Variants in PPP2R1A observed in about 807,000 individuals in gnomAD.
PPP2R1A encodes the protein serine/threonine-protein phosphatase 2A 65 kDa regulatory subunit A alpha isoform.
In PPP2R1A, 15 loss-of-function variants were observed where a neutral mutation model predicts 67.1. The observed-to-expected ratio is 0.22, with a 90% confidence interval of 0.15 to 0.34. PPP2R1A has a LOEUF of 0.34. Ranked by LOEUF, PPP2R1A falls within the 10% of genes least tolerant of loss-of-function variation. PPP2R1A has a pLI of 1.00. For synonymous variants in PPP2R1A, 337 were observed against 325.0 expected (o/e 1.04, Z -0.40); for missense variants, 369 against 775.0 (o/e 0.48, Z 6.22).
At chr19:52,223,755 C>T (rs966758909) in intron 13 of PPP2R1A, among the ~76,000 whole-genome samples, 1 of 152,124 alleles carries the variant, frequency 6.6e-6, no homozygotes, top group Non-Finnish European at 1.5e-5. Flanking sequence ...TCATCCATTG[C>T]ACGTGGGGCT....
At chr19:52,222,703 C>T (rs909220832) in intron 13 of PPP2R1A, among the ~76,000 whole-genome samples, 10 of 152,196 alleles carry the variant, frequency 6.6e-5, no homozygotes. Context: ...TGGCGAAACC[C>T]CGTCTCTAGT....
intron 1 of PPP2R1A, 67 bp downstream of exon 1, chr19:52,190,241 G>C (rs2089439807): frequency 6.6e-7 from 1 of 1,506,786 alleles, no homozygotes; most frequent in African/African-American, 1.4e-5. Context: ...CGGCCCTCGC[G>C]GAGAAGACTC....
Position 52,219,871 on chromosome 19 carries a change from G to C in PPP2R1A, c.1302+7G>C. On this transcript the variant is annotated splice_region_variant and intron_variant, in intron 10 of 14. Transcript: ENST00000322088. The surrounding 1 kb of genome is among the most constrained non-coding windows in gnomAD (Gnocchi z 4.0). ...CCTCCTGGCTGGACAGCTGGTGAGTGAGGAGGCCTGGGGGCCAGGCAGTGC... is the reference window on the plus strand; with the variant it reads ...CCTCCTGGCTGGACAGCTGGTGAGTCAGGAGGCCTGGGGGCCAGGCAGTGC... 6.2e-7 allele frequency: 1 copy of C among 1,607,400 alleles called. No individual in the cohort carries two copies. Among genetic ancestry groups the C allele is most frequent in the Non-Finnish European group, 8.5e-7 (1 of 1,177,714 alleles).
Position 52,213,729 on chromosome 19 carries a change from G to A in PPP2R1A, c.807+619G>A, listed in dbSNP as rs923316366. Among the ~76,000 whole-genome samples, 10 of 151,838 alleles carry A rather than the reference G, an allele frequency of 6.6e-5. No individual in the cohort carries two copies. The highest frequency in any genetic ancestry group is 8.8e-5 in the Non-Finnish European group (6 of 67,966). ...TCGAACTCCTGACCTCAAGCGATCC[G>A]CCTGCCTTCATCTCCCAAAGTGCTG... is the stretch of plus-strand genomic sequence containing the variant. On this transcript the variant is annotated intron_variant, in intron 6 of 14. Transcript: ENST00000322088. This position sits in a 1 kb window ranked among gnomAD's most constrained non-coding sequence, Gnocchi z 4.2.
chr19:52,190,600 G>C (rs1344671237), intron 1 of PPP2R1A, among the ~76,000 whole-genome samples: 1 of 152,124 alleles, frequency 6.6e-6, no homozygotes, highest in African/African-American at 2.4e-5. Flanking sequence ...AGGTTTTTTT[G>C]TTTTCTGGGT....
rs905180758 is a variant in PPP2R1A, at chr19:52,216,439, G to T, written c.994-90G>T. 3.3e-6 allele frequency: 5 copies of T among 1,508,050 alleles called. No individual in the cohort carries two copies. The African/African-American group carries it at 6.9e-5, about 21-fold the overall frequency. The allele number at this position is 1,508,050 out of a possible 1,614,324, so 93.4% of individuals were successfully genotyped here. On this transcript the variant is annotated intron_variant, in intron 8 of 14. Coordinates refer to ENST00000322088, the MANE Select transcript of PPP2R1A (RefSeq NM_014225.6). This position sits in a 1 kb window ranked among gnomAD's most constrained non-coding sequence, Gnocchi z 4.3. ...CTATGAATGAGAGGGGCAGAAGCAG[G>T]TTATTGTCTCTTAGGAGTTGGCATC...
At chr19:52,190,428 G>C (rs1038035790) in intron 1 of PPP2R1A, 17 of 561,872 alleles carry the variant, frequency 3.0e-5, no homozygotes, top group African/African-American at 2.0e-4. Context: ...GGCGGTCCGC[G>C]GTCCTGGGAG....
rs975193383 is a variant in PPP2R1A at position 52,227,626 on chromosome 19, C to T, written c.*1645C>T. On this transcript the variant is annotated 3_prime_UTR_variant, in exon 15 of 15. Coordinates refer to ENST00000322088, the MANE Select transcript of PPP2R1A (RefSeq NM_014225.6). ...GGAAGGGAAATGTGGCTTTGAGTGA[C>T]AAGGTGATTTCACCAGCTCAGCCTT... 3.9e-5 allele frequency: 6 copies of T among 152,148 alleles called. No homozygotes were observed. The highest frequency in any genetic ancestry group is 6.5e-5 in the Admixed American group (1 of 15,270). 9.4% of individuals were successfully genotyped at this position (152,148 alleles called of 1,614,324 possible).
chr19:52,210,767 C>T (rs935473396), intron 3 of PPP2R1A, among the ~76,000 whole-genome samples: 1 of 152,200 alleles, frequency 6.6e-6, no homozygotes, highest in African/African-American at 2.4e-5. Flanking sequence ...GCTGGGATTA[C>T]AGGCGTGAGC....
rs140667985 is a variant in PPP2R1A, at chr19:52,212,749, G to C, written c.567G>C (p.Leu189=). 8 of 1,613,850 alleles carry C rather than the reference G, an allele frequency of 5.0e-6. No homozygotes were observed. Among genetic ancestry groups the C allele is most frequent in the East Asian group, 2.2e-5 (1 of 44,882 alleles). The change falls in exon 5 of 15, where the codon CTG becomes CTC. Residue 189 remains leucine (L), a synonymous_variant. Transcript: ENST00000322088. This position sits in a 1 kb window ranked among gnomAD's most constrained non-coding sequence, Gnocchi z 4.1. ...PMVRRAAASK[L]GEFAKVLELD... ...TGCGGCGGGCCGCAGCCTCCAAGCT[G>C]GGGGAGTTTGCCAAGGTGCTGGAGC...
At chr19:52,190,878 G>C (rs1407072441) in intron 1 of PPP2R1A, among the ~76,000 whole-genome samples, 2 of 152,020 alleles carry the variant, frequency 1.3e-5, no homozygotes, top group Non-Finnish European at 2.9e-5. Flanking sequence ...TTTTTTTTGA[G>C]ACAGTCTCTG....
Position 52,207,020 on chromosome 19 carries a change from A to G in PPP2R1A, c.270+957A>G, listed in dbSNP as rs1445581345. ...ATTGTTGGGATCTTGGGATTTGAGT[A>G]AATATAACAATTTGTTTCTTCCCAA... On this transcript the variant is annotated intron_variant, in intron 3 of 14. Coordinates refer to ENST00000322088, the MANE Select transcript of PPP2R1A (RefSeq NM_014225.6). Among the ~76,000 whole-genome samples the G allele has an allele frequency of 2.0e-5, 3 of 152,220 alleles. No homozygotes were observed. The East Asian group carries it at 5.8e-4, about 29-fold the overall frequency.
intron 2 of PPP2R1A, 41 bp downstream of exon 2, chr19:52,202,075 T>C (rs371059040): frequency 6.5e-7 from 1 of 1,543,616 alleles, no homozygotes; most frequent in Non-Finnish European, 9.0e-7. Context: ...TGGGGACTCT[T>C]GGGAGGTGGT....
chr19:52,225,424 C>T (rs556505263), intron 13 of PPP2R1A, among the ~76,000 whole-genome samples: 6 of 152,270 alleles, frequency 3.9e-5, no homozygotes, highest in Admixed American at 1.3e-4. Flanking sequence ...GGATAATTAG[C>T]ATATCTATCA....
intron 3 of PPP2R1A, among the ~76,000 whole-genome samples, chr19:52,210,600 T>C (rs2089657859): frequency 6.6e-6 from 1 of 151,834 alleles, no homozygotes; most frequent in Non-Finnish European, 1.5e-5. Flanking sequence ...TCAAGGATTC[T>C]TCTGCCTCAG....
At position 52,212,018 on chromosome 19, in the gene PPP2R1A, C is replaced by A. The variant is rs2089674927; in HGVS notation, c.503+526C>A. ...TACACTGGCCCCCACCGCCTTTGAT[C>A]GAAGCAATTGCTGCTGAAAAATAAA... On this transcript the variant is annotated intron_variant, in intron 4 of 14. Coordinates refer to ENST00000322088, the MANE Select transcript of PPP2R1A (RefSeq NM_014225.6). This position sits in a 1 kb window ranked among gnomAD's most constrained non-coding sequence, Gnocchi z 4.1. Among the ~76,000 whole-genome samples, 1 of 152,216 alleles carries A rather than the reference C, an allele frequency of 6.6e-6. No individual in the cohort carries two copies. Among genetic ancestry groups the A allele is most frequent in the Non-Finnish European group, 1.5e-5 (1 of 68,036 alleles).
chr19:52,199,523 A>G (rs1467326914), intron 1 of PPP2R1A, among the ~76,000 whole-genome samples: 1 of 152,210 alleles, frequency 6.6e-6, no homozygotes, highest in Non-Finnish European at 1.5e-5. Context: ...TTGGAAGACT[A>G]ACACAAGGGT....
intron 11 of PPP2R1A, 55 bp downstream of exon 11, chr19:52,220,304 T>C: frequency 6.3e-7 from 1 of 1,580,854 alleles, no homozygotes; most frequent in Non-Finnish European, 8.7e-7. Flanking sequence ...AAAGGCAGGA[T>C]GGATTGGCTG....
chr19:52,208,111 G>A (rs1285219211), intron 3 of PPP2R1A, among the ~76,000 whole-genome samples: 2 of 152,182 alleles, frequency 1.3e-5, no homozygotes, highest in African/African-American at 4.8e-5. Context: ...CAGCAGTGGT[G>A]AAATGGAATT....
Sources: gnomAD v4.1 joint callset for allele counts (sites outside exome capture counted in the v4.1 genomes callset) on GRCh38, gnomAD v4.1.1 for gene constraint, Gnocchi (gnomAD v3.1) non-coding constraint, MANE v1.5 for transcripts, NCBI Gene and HGNC (gene_info 2026-07-23, HGNC 2026-07-21) for gene names.